The following IKBKB variants were observed in gnomAD, a reference collection of about 807,000 sequenced individuals.
The protein encoded by IKBKB is inhibitor of nuclear factor kappa-B kinase subunit beta.
A neutral mutation model predicts 113.6 loss-of-function variants in IKBKB; 42 were observed. That is an observed-to-expected ratio of 0.37 (90% CI 0.29 to 0.48). The LOEUF (loss-of-function observed/expected upper bound fraction) is 0.48, where lower values mean the gene tolerates loss of function less well. Among genes scored for constraint, IKBKB ranks in the 20% least tolerant of loss-of-function variants. IKBKB has a pLI of 0.99. For missense variants in IKBKB, 673 were observed against 939.7 expected (o/e 0.72, Z 3.71); for synonymous variants, 296 against 361.3 (o/e 0.82, Z 2.05).
chr8:42,282,265 G>A (rs1179746022), intron 2 of IKBKB, among the ~76,000 whole-genome samples: 3 of 152,148 alleles, frequency 2.0e-5, no homozygotes, highest in East Asian at 3.9e-4. Context: ...CTCAACGCAG[G>A]TCTCGCTCTA....
intron 5 of IKBKB, 36 bp downstream of exon 5, chr8:42,293,548 C>A (rs1471415650): frequency 1.2e-6 from 2 of 1,613,922 alleles, no homozygotes; most frequent in African/African-American, 1.3e-5. Flanking sequence ...CCGTGTCCTT[C>A]AGGGAGAGTG....
chr8:42,271,963 C>A (rs1807849550), intron 1 of IKBKB, 120 bp from the exon 2 acceptor site: 1 of 1,088,490 alleles, frequency 9.2e-7, no homozygotes, highest in South Asian at 1.6e-5. Context: ...AAATAAAAAA[C>A]CAGTTGTATT....
chr8:42,329,717 G>T (rs1235584897), intron 21 of IKBKB: 1 of 985,394 alleles, frequency 1.0e-6, no homozygotes, highest in Non-Finnish European at 1.2e-6. Flanking sequence ...TGAGTGCTGG[G>T]CTGGGAGCAG....
chr8:42,322,030 C>T (rs1374712989), intron 17 of IKBKB, 24 bp from the exon 18 acceptor site: 1 of 1,609,600 alleles, frequency 6.2e-7, no homozygotes, highest in South Asian at 1.1e-5. Flanking sequence ...CCTTGAGGAA[C>T]TATGCTACCC....
At position 42,279,158 on chromosome 8, in the gene IKBKB, G is replaced by T. The variant is rs565449993; in HGVS notation, c.105+6953G>T. ...AGGAAGCTCTCTACCTTCCTTCCCC[G>T]TGGGTTCTCCCCAAGTTTGGGAAAT... On this transcript the variant is annotated intron_variant, in intron 2 of 21. Coordinates refer to ENST00000520810, the MANE Select transcript of IKBKB (RefSeq NM_001556.3). 1.9e-3 allele frequency among the ~76,000 whole-genome samples: 297 copies of T among 152,362 alleles called. 3 individuals carry two copies. In the Middle Eastern group the frequency reaches 0.024, roughly 12 times the overall value.
At chr8:42,279,920 C>T (rs892221549) in intron 2 of IKBKB, among the ~76,000 whole-genome samples, 1 of 152,200 alleles carries the variant, frequency 6.6e-6, no homozygotes, top group Non-Finnish European at 1.5e-5. Flanking sequence ...TCGATCAGGG[C>T]TCACTGTAGC....
chr8:42,326,128 CCAT>C (rs1183873042), intron 20 of IKBKB, 31 bp downstream of exon 20: 1 of 1,613,002 alleles, frequency 6.2e-7, no homozygotes, highest in Non-Finnish European at 8.5e-7. Context: ...CCAAGTGTGA[CCAT>C]CAAGGGCACG....
rs1025771306 is a variant in IKBKB at position 42,323,909 on chromosome 8, T to C, written c.1986+1415T>C. On this transcript the variant is annotated intron_variant, in intron 19 of 21. Coordinates refer to ENST00000520810, the MANE Select transcript of IKBKB (RefSeq NM_001556.3). ...AGCAAGACACACAGGTGAGAAGGCA[T>C]GGCACCTGTTCCCAGGAGGGCCTGA... 2.0e-4 allele frequency among the ~76,000 whole-genome samples: 30 copies of C among 152,290 alleles called. No individual in the cohort carries two copies. The Middle Eastern group carries it at 0.01, about 52-fold the overall frequency.
At chr8:42,284,230 T>A (rs879877607) in intron 2 of IKBKB, among the ~76,000 whole-genome samples, 3 of 152,236 alleles carry the variant, frequency 2.0e-5, no homozygotes, top group Non-Finnish European at 2.9e-5. Flanking sequence ...AAACTTGTCC[T>A]TTTATAACCA....
chr8:42,279,263 TG>T (rs1044796392), intron 2 of IKBKB, among the ~76,000 whole-genome samples: 3 of 152,234 alleles, frequency 2.0e-5, no homozygotes, highest in Non-Finnish European at 2.9e-5. Flanking sequence ...TGTTCTCTGT[TG>T]GGAACCCCTC....
At chr8:42,322,228 T>C in intron 18 of IKBKB, 75 bp downstream of exon 18, 1 of 1,554,096 alleles carries the variant, frequency 6.4e-7, no homozygotes, top group Admixed American at 1.7e-5. Context: ...CTCCCTCCTC[T>C]CTGATTCGCT....
At chr8:42,324,273 T>G (rs1014476916) in intron 19 of IKBKB, among the ~76,000 whole-genome samples, 1 of 151,248 alleles carries the variant, frequency 6.6e-6, no homozygotes, top group African/African-American at 2.4e-5. Flanking sequence ...CTTCATTTTC[T>G]TTTTTTTTCG....
rs1319775530 is a variant in IKBKB, at chr8:42,332,091, T to A, written c.*1112T>A. ...TTCAACATTTCACAGAACTTCTCTT[T>A]TATATAAAGGCAAGAGCACAAAATG... On this transcript the variant is annotated 3_prime_UTR_variant, in exon 22 of 22. Coordinates refer to ENST00000520810, the MANE Select transcript of IKBKB (RefSeq NM_001556.3). The A allele has an allele frequency of 6.6e-6, 1 of 152,360 alleles. No individual in the cohort carries two copies. The highest frequency in any genetic ancestry group is 1.9e-4 in the East Asian group (1 of 5,202). 9.4% of individuals were successfully genotyped at this position (152,360 alleles called of 1,614,324 possible). A position where few individuals can be genotyped will look rare whatever the true frequency, so the allele number is the denominator to read the frequency against.
At chr8:42,329,281 A>G in intron 21 of IKBKB, 67 bp downstream of exon 21, 1 of 1,503,484 alleles carries the variant, frequency 6.7e-7, no homozygotes, top group Non-Finnish European at 8.9e-7. Context: ...AGAAGAGAAA[A>G]TGGAAATGCA....
chr8:42,326,221 C>T, intron 20 of IKBKB, 124 bp downstream of exon 20: 1 of 1,211,628 alleles, frequency 8.3e-7, no homozygotes, highest in Non-Finnish European at 1.2e-6. Flanking sequence ...ATGTTTGTTG[C>T]ATCTGCTGGG....
Position 42,318,535 on chromosome 8 carries a change from T to C in IKBKB, c.1241-17T>C. ...TTGTGGTTATTCTTTGACAATTGCT[T>C]GTGTCTCTGTCTCCAGTTCAAGAGC... On this transcript the variant is annotated splice_polypyrimidine_tract_variant and intron_variant, in intron 12 of 21. Transcript: ENST00000520810. 6.2e-7 allele frequency: 1 copy of C among 1,610,530 alleles called. No homozygotes were observed. The highest frequency in any genetic ancestry group is 8.5e-7 in the Non-Finnish European group (1 of 1,177,754).
Position 42,309,025 on chromosome 8 carries a change from G to C in IKBKB, c.692G>C (p.Trp231Ser). The change falls in exon 8 of 22, where the codon TGG becomes TCG. Residue 231 changes from tryptophan (W) to serine (S), a missense_variant and splice_region_variant. Coordinates refer to ENST00000520810, the MANE Select transcript of IKBKB (RefSeq NM_001556.3). ...PFLPNWQPVQWHSKVRQKSEV... is the reference protein window; with the variant it reads ...PFLPNWQPVQSHSKVRQKSEV... ...CTCCCCAACTGGCAGCCCGTGCAGTGGTGAGTGGGCCCGGGGCACCTGGAT... is the reference window on the plus strand; with the variant it reads ...CTCCCCAACTGGCAGCCCGTGCAGTCGTGAGTGGGCCCGGGGCACCTGGAT... 6.2e-7 allele frequency: 1 copy of C among 1,613,388 alleles called. No individual in the cohort carries two copies. The highest frequency in any genetic ancestry group is 8.5e-7 in the Non-Finnish European group (1 of 1,179,600).
chr8:42,293,174 G>A (rs1325239709), intron 4 of IKBKB, among the ~76,000 whole-genome samples: 1 of 152,150 alleles, frequency 6.6e-6, no homozygotes, highest in Non-Finnish European at 1.5e-5. Context: ...GCAGCAGCTG[G>A]TGAGAATCAA....
chr8:42,291,488 A>G (rs1812635482), intron 4 of IKBKB, among the ~76,000 whole-genome samples: 1 of 152,082 alleles, frequency 6.6e-6, no homozygotes, highest in African/African-American at 2.4e-5. Flanking sequence ...GCCAACAACA[A>G]TTTTTATTTT....
Sources: allele counts gnomAD v4.1 joint callset (sites outside exome capture counted in the v4.1 genomes callset), GRCh38; gene constraint gnomAD v4.1.1; transcripts MANE v1.5; gene names NCBI Gene and HGNC (gene_info 2026-07-23, HGNC 2026-07-21).